Variants in LIPI observed in about 807,000 individuals in gnomAD.
The protein encoded by LIPI is lipase member I.
LIPI carries 59 observed loss-of-function variants against 50.6 expected under a neutral mutation model. The ratio of observed to expected loss-of-function variants is 1.16; its 90% CI spans 0.94 to 1.45. LIPI has a LOEUF of 1.45. Ranked by LOEUF, LIPI falls within the 40% of genes most tolerant of loss-of-function variation. LIPI has a pLI of 0.00. For synonymous variants in LIPI, 203 were observed against 178.2 expected (o/e 1.14, Z -1.11); for missense variants, 586 against 536.3 (o/e 1.09, Z -0.92).
At chr21:14,199,031 G>A (rs1045814894) in intron 1 of LIPI, among the ~76,000 whole-genome samples, 1 of 151,938 alleles carries the variant, frequency 6.6e-6, no homozygotes, top group Admixed American at 6.6e-5. Context: ...AAGGTTTCAA[G>A]AAATTATTTG....
intron 4 of LIPI, among the ~76,000 whole-genome samples, chr21:14,167,460 C>T (rs1015986242): frequency 2.0e-5 from 3 of 152,146 alleles, no homozygotes; most frequent in Non-Finnish European, 2.9e-5. Context: ...CTGGGAGGCA[C>T]CCCCCAGTAG....
intron 4 of LIPI, among the ~76,000 whole-genome samples, chr21:14,173,741 T>G (rs996143193): frequency 6.6e-6 from 1 of 151,810 alleles, no homozygotes; most frequent in South Asian, 2.1e-4. Context: ...TAGTAGCACA[T>G]GAGAACACTG....
chr21:14,195,602 A>G (rs417022), intron 1 of LIPI, among the ~76,000 whole-genome samples: 21,098 of 152,200 alleles, frequency 0.14, 1,924 homozygotes, highest in South Asian at 0.21. Context: ...AAAGGACTCT[A>G]AGATACGATA....
Position 14,152,653 on chromosome 21 carries a change from TG to T in LIPI, c.1037del (p.Pro346GlnfsTer5). ...TYYFVLSIIVPDKTMMDGSFS... is the reference protein window; with the variant it reads ...TYYFVLSIIVXDKTMMDGSFS... ...ACGAGCCATCCATCATAGTTTTATC[TG>T]GAACAATTATACTGAGAACAAAATA... On this transcript the variant is annotated frameshift_variant, in exon 8 of 10. Transcript: ENST00000681601. LOFTEE classifies it high-confidence loss of function. 6.5e-7 allele frequency: 1 copy of T among 1,544,834 alleles called. No individual in the cohort carries two copies. The highest frequency in any genetic ancestry group is 8.9e-7 in the Non-Finnish European group (1 of 1,118,818).
intron 9 of LIPI, among the ~76,000 whole-genome samples, chr21:14,128,269 A>G (rs1259206708): frequency 3.2e-4 from 49 of 152,232 alleles, no homozygotes. Flanking sequence ...AAATTTCCAA[A>G]TCTTCCACAA....
intron 9 of LIPI, among the ~76,000 whole-genome samples, chr21:14,125,935 A>T (rs538313555): frequency 6.6e-6 from 1 of 152,314 alleles, no homozygotes. Flanking sequence ...AATGGCAGAG[A>T]TCATCATCAT....
At chr21:14,166,284 T>C (rs1415895986) in intron 5 of LIPI, 78 bp downstream of exon 5, 7 of 865,764 alleles carry the variant, frequency 8.1e-6, no homozygotes, top group Middle Eastern at 2.4e-4. Flanking sequence ...TGCCTACAGA[T>C]TAAGAGGGGA....
chr21:14,116,879 G>C (rs904139694), intron 9 of LIPI, among the ~76,000 whole-genome samples: 1 of 152,154 alleles, frequency 6.6e-6, no homozygotes, highest in Admixed American at 6.5e-5. Flanking sequence ...AACAGGAAAA[G>C]CCTGTCCTAC....
chr21:14,126,021 T>C (rs2017050127), intron 9 of LIPI, among the ~76,000 whole-genome samples: 1 of 151,016 alleles, frequency 6.6e-6, no homozygotes, highest in South Asian at 2.1e-4. Flanking sequence ...AAAATGAAAA[T>C]CAAACATTTA....
At chr21:14,188,947 G>T in intron 2 of LIPI, 87 bp downstream of exon 2, 1 of 1,089,670 alleles carries the variant, frequency 9.2e-7, no homozygotes, top group Non-Finnish European at 1.4e-6. Context: ...TTATCACTTT[G>T]TGGTATTGAA....
At chr21:14,149,370 G>T (rs1158244599) in intron 8 of LIPI, among the ~76,000 whole-genome samples, 1 of 152,140 alleles carries the variant, frequency 6.6e-6, no homozygotes, top group Non-Finnish European at 1.5e-5. Context: ...GCCCTTGACA[G>T]GTGGGGATTA....
intron 9 of LIPI, among the ~76,000 whole-genome samples, chr21:14,133,894 A>G (rs78113034): frequency 0.027 from 4,144 of 152,296 alleles, 180 homozygotes; most frequent in African/African-American, 0.091. Flanking sequence ...ACAACACATT[A>G]AAATACTTAG....
chr21:14,195,217 A>T (rs567063365), intron 1 of LIPI, among the ~76,000 whole-genome samples: 1 of 152,270 alleles, frequency 6.6e-6, no homozygotes, highest in African/African-American at 2.4e-5. Context: ...AAATCTGCAT[A>T]GGGGTCTCTT....
chr21:14,170,572 A>C (rs1348314219), intron 4 of LIPI, among the ~76,000 whole-genome samples: 3 of 152,236 alleles, frequency 2.0e-5, no homozygotes, highest in Non-Finnish European at 4.4e-5. Context: ...ACGCAAATCA[A>C]TAAATGTAAT....
At chr21:14,196,497 T>G (rs1449383852) in intron 1 of LIPI, among the ~76,000 whole-genome samples, 1 of 152,114 alleles carries the variant, frequency 6.6e-6, no homozygotes, top group Non-Finnish European at 1.5e-5. Flanking sequence ...GGTTGTTATA[T>G]AAGTGCACAT....
intron 4 of LIPI, among the ~76,000 whole-genome samples, chr21:14,172,750 A>T (rs1485138370): frequency 6.6e-6 from 1 of 152,012 alleles, no homozygotes; most frequent in Non-Finnish European, 1.5e-5. Flanking sequence ...TAGCACTAGG[A>T]GATATACCTA....
intron 9 of LIPI, among the ~76,000 whole-genome samples, chr21:14,125,547 T>C (rs1387515816): frequency 6.6e-6 from 1 of 152,012 alleles, no homozygotes; most frequent in Non-Finnish European, 1.5e-5. Context: ...TAGTGTTTTG[T>C]TTTGTTTTGT....
intron 4 of LIPI, among the ~76,000 whole-genome samples, chr21:14,179,618 T>G (rs1295354760): frequency 6.6e-6 from 1 of 152,178 alleles, no homozygotes; most frequent in Non-Finnish European, 1.5e-5. Flanking sequence ...AGGGACCGGC[T>G]GGAGCCGCAG....
At chr21:14,134,783 G>A (rs578201445) in intron 9 of LIPI, among the ~76,000 whole-genome samples, 6 of 151,990 alleles carry the variant, frequency 3.9e-5, no homozygotes, top group African/African-American at 1.2e-4. Context: ...CATATACAAA[G>A]GTTAATTCGA....
Sources: gnomAD v4.1 joint callset for allele counts (sites outside exome capture counted in the v4.1 genomes callset) on GRCh38, gnomAD v4.1.1 for gene constraint, MANE v1.5 for transcripts, NCBI Gene and HGNC (gene_info 2026-07-23, HGNC 2026-07-21) for gene names.